Variants in NCAPD2 observed in about 807,000 individuals in gnomAD.
NCAPD2 encodes condensin complex subunit 1.
In NCAPD2, 100 loss-of-function variants were observed where a neutral mutation model predicts 164.5. That is an observed-to-expected ratio of 0.61 (90% CI 0.52 to 0.72). The LOEUF is 0.72. Among genes scored for constraint, NCAPD2 ranks in the 30% least tolerant of loss-of-function variants. The probability of loss-of-function intolerance (pLI) is 0.00; values close to 1 mark genes in which losing one functional copy is unlikely to be tolerated. For missense variants in NCAPD2, 1,560 were observed against 1,749.2 expected, an observed-to-expected ratio of 0.89 and a Z score of 1.93; for synonymous variants, 585 against 642.6, an observed-to-expected ratio of 0.91 and a Z score of 1.36.
At chr12:6,530,495 A>G (rs1232892535) in intron 29 of NCAPD2, among the ~76,000 whole-genome samples, 196 bp from the exon 30 acceptor site, 1 of 151,792 alleles carries the variant, frequency 6.6e-6, no homozygotes, top group African/African-American at 2.4e-5. Context: ...TCTCCCCACA[A>G]CCCCTGATCT....
chr12:6,516,915 C>G lies in NCAPD2; in HGVS notation c.1075C>G (p.Arg359Gly). The G allele has an allele frequency of 1.2e-6, 2 of 1,613,992 alleles. No individual in the cohort carries two copies. The highest frequency in any genetic ancestry group is 1.1e-5 in the South Asian group (1 of 91,066). ...LSGDQLEAAARDTRDQFLDTL... is the reference protein window; with the variant it reads ...LSGDQLEAAAGDTRDQFLDTL... ...TGGCGATCAACTGGAAGCAGCAGCCCGAGACACCAGAGACCAGTTCTTGGA... is the reference window on the plus strand; with the variant it reads ...TGGCGATCAACTGGAAGCAGCAGCCGGAGACACCAGAGACCAGTTCTTGGA... Residue 359 changes from arginine to glycine, a missense_variant, in exon 10 of 32, where the codon CGA (arginine) becomes GGA (glycine). By Grantham distance (125) the Arg-to-Gly change is moderately radical. Transcript: ENST00000315579.
chr12:6,510,667 G>A lies in NCAPD2; in HGVS notation c.301G>A (p.Asp101Asn), dbSNP rs750588842. The A allele has an allele frequency of 1.1e-5, 18 of 1,614,180 alleles. No individual in the cohort carries two copies. The highest frequency in any genetic ancestry group is 1.5e-5 in the Non-Finnish European group (18 of 1,180,034). The change falls in exon 5 of 32, where the codon GAT becomes AAT. Residue 101 changes from aspartate to asparagine, a missense_variant. By Grantham distance (23) the Asp-to-Asn change is conservative. Coordinates refer to ENST00000315579, the MANE Select transcript of NCAPD2 (RefSeq NM_014865.4). Reference protein sequence around the residue: ...RHSQELPAILDDTTLSGSDRN... With the variant: ...RHSQELPAILNDTTLSGSDRN... ...CTCCCAGGAGCTTCCAGCTATCCTG[G>A]ATGATACAACTTTGAGTGGATCAGA...
At position 6,528,754 on chromosome 12, in the gene NCAPD2, G is replaced by A. The variant is rs76605012; in HGVS notation, c.3375G>A (p.Val1125=). 1.9e-6 allele frequency: 3 copies of A among 1,614,164 alleles called. No individual in the cohort carries two copies. Among genetic ancestry groups the A allele is most frequent in the Non-Finnish European group, 2.5e-6 (3 of 1,180,012 alleles). The stretch of plus-strand genomic sequence containing the variant: ...CCCACCTGATCCTCAAGGACATGGT[G>A]AAGGTGAAGGGGCAGGTCAGCGAGA... The part of the protein sequence containing the change: ...VMTHLILKDM[V]KVKGQVSEMA... The change falls in exon 26 of 32, where the codon GTG becomes GTA. Residue 1125 remains valine, a synonymous_variant. Transcript: ENST00000315579. The surrounding 1 kb of genome is among the most constrained non-coding windows in gnomAD (Gnocchi z 5.1).
chr12:6,499,824 TAAAG>T (rs1946018593), intron 2 of NCAPD2, among the ~76,000 whole-genome samples: 1 of 151,896 alleles, frequency 6.6e-6, no homozygotes, highest in South Asian at 2.1e-4. Context: ...AAGAGAAAAA[TAAAG>T]AAGACAGTGT....
chr12:6,509,565 A>G (rs1295100409), intron 2 of NCAPD2, 152 bp from the exon 3 acceptor site: 3 of 761,606 alleles, frequency 3.9e-6, no homozygotes, highest in South Asian at 1.4e-5. Context: ...CCCGGCTCTC[A>G]TCGTCATTAT....
At chr12:6,498,938 G>GT (rs1946008851) in intron 2 of NCAPD2, among the ~76,000 whole-genome samples, 1 of 152,056 alleles carries the variant, frequency 6.6e-6, no homozygotes, top group South Asian at 2.1e-4. Context: ...TAGAGCAATT[G>GT]TAACTATGCC....
intron 6 of NCAPD2, 124 bp downstream of exon 6, chr12:6,511,376 A>T (rs1592169816): frequency 8.5e-7 from 1 of 1,182,222 alleles, no homozygotes; most frequent in Non-Finnish European, 1.2e-6. Flanking sequence ...CTTGTCGCCC[A>T]GGCTGGAGCG....
rs1470559426 is a variant in NCAPD2, at chr12:6,504,190, T to C, written c.128-5527T>C. On this transcript the variant is annotated intron_variant, in intron 2 of 31. Transcript: ENST00000315579. ...TTTGACATATATATATACATATATA[T>C]ATATATATATATATATATATATATA... 4.7e-3 allele frequency among the ~76,000 whole-genome samples: 137 copies of C among 29,050 alleles called. No individual in the cohort carries two copies. The African/African-American group carries it at 0.051, about 11-fold the overall frequency. 19.1% of individuals were successfully genotyped at this position (29,050 alleles called of 152,430 possible).
intron 8 of NCAPD2, 58 bp downstream of exon 8, chr12:6,514,645 A>G (rs747209724): frequency 1.2e-6 from 2 of 1,612,418 alleles, no homozygotes; most frequent in African/African-American, 2.7e-5. Flanking sequence ...GGAATAAAGA[A>G]AGATTGGAAA....
chr12:6,509,483 A>C (rs1946126027), intron 2 of NCAPD2, among the ~76,000 whole-genome samples: 1 of 152,044 alleles, frequency 6.6e-6, no homozygotes, highest in African/African-American at 2.4e-5. Flanking sequence ...GGCTGGTCTC[A>C]ACTTCTGACC....
chr12:6,514,862 G>T lies in NCAPD2; in HGVS notation c.929G>T (p.Arg310Leu). ...GCATTCCTGACAGAACTAGCAGAAC[G>T]TGTCCCAGCTATCCTGATGTCCAGC... ...FAAFLTELAE[R>L]VPAILMSSMC... Residue 310 changes from arginine to leucine, a missense_variant, in exon 9 of 32, where the codon CGT becomes CTT. Arg to Leu is a moderately radical substitution (Grantham distance 102, BLOSUM62 -2). Coordinates refer to ENST00000315579, the MANE Select transcript of NCAPD2 (RefSeq NM_014865.4). The T allele has an allele frequency of 6.2e-7, 1 of 1,614,188 alleles. No individual in the cohort carries two copies. Among genetic ancestry groups the T allele is most frequent in the African/African-American group, 1.3e-5 (1 of 75,046 alleles).
At chr12:6,509,913 T>C (rs1246890010) in intron 3 of NCAPD2, 121 bp downstream of exon 3, 2 of 1,239,690 alleles carry the variant, frequency 1.6e-6, no homozygotes, top group East Asian at 4.7e-5. Context: ...GATATTGATA[T>C]CTCTACTGAT....
intron 2 of NCAPD2, among the ~76,000 whole-genome samples, chr12:6,503,337 C>A (rs1269338614): frequency 2.0e-5 from 3 of 152,060 alleles, no homozygotes; most frequent in African/African-American, 7.2e-5. Flanking sequence ...TATTGGCTCA[C>A]ATTTTTTTCT....
chr12:6,522,790 G>A (rs753162890), intron 15 of NCAPD2, 38 bp from the exon 16 acceptor site: 13 of 1,602,572 alleles, frequency 8.1e-6, no homozygotes, highest in Non-Finnish European at 1.1e-5. Flanking sequence ...GGGGAGTTTT[G>A]TGAAGTAGAT....
At position 6,509,734 on chromosome 12, in the gene NCAPD2, C is replaced by G. The variant is rs550146120; in HGVS notation, c.145C>G (p.Arg49Gly). 1.9e-6 allele frequency: 3 copies of G among 1,613,986 alleles called. No homozygotes were observed. Among genetic ancestry groups the G allele is most frequent in the Admixed American group, 1.7e-5 (1 of 59,992 alleles). Residue 49 changes from arginine (R) to glycine (G), a missense_variant, in exon 3 of 32, where the codon CGA becomes GGA. Arg to Gly is a moderately radical substitution (Grantham distance 125). Coordinates refer to ENST00000315579, the MANE Select transcript of NCAPD2 (RefSeq NM_014865.4). ...CTTCATAGCTTTTCAGGCTGCCTTTCGAGCTCAGGGGCCCCTGGCTATGCT... is the reference window on the plus strand; with the variant it reads ...CTTCATAGCTTTTCAGGCTGCCTTTGGAGCTCAGGGGCCCCTGGCTATGCT... ...PQLRAFQAAFRAQGPLAMLQH... is the reference protein window; with the variant it reads ...PQLRAFQAAFGAQGPLAMLQH...
rs1946340063 is a variant in NCAPD2 at position 6,528,652 on chromosome 12, C to T, written c.3300-27C>T. The stretch of plus-strand genomic sequence containing the variant: ...TAGGGTGTAGCCCGGAGGTCTCGGT[C>T]CCCATGACCCGCAATTCCATTCCTA... On this transcript the variant is annotated intron_variant, in intron 25 of 31. Transcript: ENST00000315579. This position sits in a 1 kb window ranked among gnomAD's most constrained non-coding sequence, Gnocchi z 5.1. 1 of 1,600,264 alleles carries T rather than the reference C, an allele frequency of 6.2e-7. No homozygotes were observed. The highest frequency in any genetic ancestry group is 1.3e-5 in the African/African-American group (1 of 74,806).
rs200718861 is a variant in NCAPD2 at position 6,529,051 on chromosome 12, C to G, written c.3572+12C>G. ...CACACCATCATGAAGTATTGCTCCC[C>G]GGGCCCTGGGGCACATTTTCCACAT... is the stretch of plus-strand genomic sequence containing the variant. On this transcript the variant is annotated intron_variant, in intron 27 of 31. Transcript: ENST00000315579. The G allele has an allele frequency of 6.2e-6, 10 of 1,609,544 alleles. No homozygotes were observed. Among genetic ancestry groups the G allele is most frequent in the East Asian group, 2.2e-5 (1 of 44,874 alleles).
At chr12:6,519,778 G>T (rs1038233071) in intron 13 of NCAPD2, among the ~76,000 whole-genome samples, 1 of 151,634 alleles carries the variant, frequency 6.6e-6, no homozygotes, top group African/African-American at 2.4e-5. Flanking sequence ...TGAGGCAGGA[G>T]AATTGCTTGA....
rs1946362791 is a variant in NCAPD2, at chr12:6,530,688, C to G, written c.3838-3C>G. 2 of 1,613,920 alleles carry G rather than the reference C, an allele frequency of 1.2e-6. No homozygotes were observed. The highest frequency in any genetic ancestry group is 2.7e-5 in the African/African-American group (2 of 74,894). On this transcript the variant is annotated splice_region_variant and splice_polypyrimidine_tract_variant and intron_variant, in intron 29 of 31. Transcript: ENST00000315579. ...TGCTCTGAATCTCCTTTTCTCCCTCCAGGCTATAATAGATGAATTTGAGCA... is the reference window on the plus strand; with the variant it reads ...TGCTCTGAATCTCCTTTTCTCCCTCGAGGCTATAATAGATGAATTTGAGCA...
Sources: allele counts gnomAD v4.1 joint callset (sites outside exome capture counted in the v4.1 genomes callset), GRCh38; gene constraint gnomAD v4.1.1; non-coding constraint Gnocchi (gnomAD v3.1); transcripts MANE v1.5; gene names NCBI Gene and HGNC (gene_info 2026-07-23, HGNC 2026-07-21).